The following CHCHD3 variants were observed in gnomAD, a reference collection of about 807,000 sequenced individuals.
The protein encoded by CHCHD3 is coiled-coil-helix-coiled-coil-helix domain containing 3.
CHCHD3 carries 20 observed loss-of-function variants against 38.2 expected under a neutral mutation model. The ratio of observed to expected loss-of-function variants is 0.52; its 90% CI spans 0.37 to 0.76. CHCHD3 has a LOEUF of 0.76. CHCHD3 is among the 30% of genes least tolerant of loss of function. CHCHD3 has a pLI of 0.00. For missense variants in CHCHD3, 245 were observed against 279.2 expected, an observed-to-expected ratio of 0.88 and a Z score of 0.87; for synonymous variants, 82 against 100.0, an observed-to-expected ratio of 0.82 and a Z score of 1.07.
At chr7:132,811,463 C>T (rs1807067319) in intron 6 of CHCHD3, among the ~76,000 whole-genome samples, 1 of 152,228 alleles carries the variant, frequency 6.6e-6, no homozygotes, top group Admixed American at 6.5e-5. Flanking sequence ...TTTAAACAGT[C>T]ATAAGTGGCT....
chr7:132,874,264 G>A (rs920884881), intron 5 of CHCHD3, among the ~76,000 whole-genome samples: 1 of 152,134 alleles, frequency 6.6e-6, no homozygotes, highest in African/African-American at 2.4e-5. Context: ...AACGTTTTAC[G>A]AAGACAAATT....
intron 5 of CHCHD3, among the ~76,000 whole-genome samples, chr7:132,860,672 G>A (rs1342978517): frequency 6.6e-6 from 1 of 152,060 alleles, no homozygotes; most frequent in African/African-American, 2.4e-5. Flanking sequence ...TGTTGCCCAG[G>A]CTGGTGGGCA....
At chr7:132,938,259 T>C (rs960961716) in intron 4 of CHCHD3, among the ~76,000 whole-genome samples, 3 of 152,180 alleles carry the variant, frequency 2.0e-5, no homozygotes, top group African/African-American at 7.2e-5. Flanking sequence ...CTATGAATCA[T>C]ACCCTATTTA....
intron 1 of CHCHD3, among the ~76,000 whole-genome samples, chr7:133,078,526 A>G (rs1815069021): frequency 6.6e-6 from 1 of 152,168 alleles, no homozygotes; most frequent in Non-Finnish European, 1.5e-5. Flanking sequence ...ATAATTGCCA[A>G]CATATTTATA....
At chr7:132,847,389 G>T (rs1448439263) in intron 5 of CHCHD3, 1 of 152,194 alleles carries the variant, frequency 6.6e-6, no homozygotes, top group South Asian at 2.1e-4. Context: ...AAACAAAGTG[G>T]TTGATTTTAG....
intron 5 of CHCHD3, among the ~76,000 whole-genome samples, chr7:132,884,195 G>T (rs74809829): frequency 6.6e-6 from 1 of 151,896 alleles, no homozygotes; most frequent in Non-Finnish European, 1.5e-5. Flanking sequence ...CCAAGTTCAC[G>T]CCTGCTTCAC....
intron 5 of CHCHD3, among the ~76,000 whole-genome samples, chr7:132,879,771 G>C (rs10954395): frequency 0.22 from 31,240 of 139,774 alleles, 3,611 homozygotes; most frequent in Middle Eastern, 0.28. Context: ...CCAGAAGATG[G>C]AAAGAGATGA....
At chr7:132,974,940 CAT>C (rs1158162682) in intron 4 of CHCHD3, among the ~76,000 whole-genome samples, 2 of 152,130 alleles carry the variant, frequency 1.3e-5, no homozygotes, top group Non-Finnish European at 2.9e-5. Context: ...AACATGTACA[CAT>C]GTCTGCATGT....
chr7:132,881,555 G>A (rs527417540), intron 5 of CHCHD3, among the ~76,000 whole-genome samples: 2 of 152,236 alleles, frequency 1.3e-5, no homozygotes, highest in Admixed American at 6.5e-5. Flanking sequence ...ACTCGTTGAT[G>A]CAACATCCCT....
At chr7:132,817,419 A>T (rs1266418591) in intron 6 of CHCHD3, among the ~76,000 whole-genome samples, 3 of 148,532 alleles carry the variant, frequency 2.0e-5, no homozygotes, top group East Asian at 1.9e-4. Flanking sequence ...CATTGAGATT[A>T]AAAAAAAAAT....
intron 3 of CHCHD3, among the ~76,000 whole-genome samples, chr7:133,012,905 G>T (rs1812921069): frequency 6.6e-6 from 1 of 151,620 alleles, no homozygotes; most frequent in South Asian, 2.1e-4. Flanking sequence ...AAAGGTCAGG[G>T]CTGGGAGTGG....
At chr7:132,843,092 C>CA (rs1807982693) in intron 5 of CHCHD3, among the ~76,000 whole-genome samples, 1 of 152,146 alleles carries the variant, frequency 6.6e-6, no homozygotes, top group Admixed American at 6.5e-5. Flanking sequence ...GGCTGGAGTC[C>CA]AGTGGCACAA....
At chr7:133,014,415 G>A (rs1812966778) in intron 3 of CHCHD3, among the ~76,000 whole-genome samples, 1 of 151,448 alleles carries the variant, frequency 6.6e-6, no homozygotes, top group South Asian at 2.1e-4. Context: ...ATTGTAAATA[G>A]CATATAACTA....
intron 5 of CHCHD3, among the ~76,000 whole-genome samples, chr7:132,853,375 T>A (rs927359107): frequency 1.3e-5 from 2 of 152,138 alleles, no homozygotes; most frequent in African/African-American, 2.4e-5. Context: ...ATCCCAGCAC[T>A]CTGGGAGGGC....
intron 3 of CHCHD3, among the ~76,000 whole-genome samples, chr7:132,988,822 A>C (rs1812195700): frequency 6.6e-6 from 1 of 152,112 alleles, no homozygotes. Context: ...GGGAGGCTAC[A>C]GCAGGAGAAT....
intron 6 of CHCHD3, among the ~76,000 whole-genome samples, chr7:132,834,213 T>C (rs191968625): frequency 1.3e-5 from 2 of 152,294 alleles, no homozygotes; most frequent in Admixed American, 6.5e-5. Flanking sequence ...TAAAAAGAAA[T>C]AGCAGTCTAC....
chr7:133,030,424 G>C (rs576382859), intron 2 of CHCHD3, among the ~76,000 whole-genome samples: 2 of 152,320 alleles, frequency 1.3e-5, no homozygotes, highest in South Asian at 4.1e-4. Context: ...AGTGTTTCAG[G>C]AAGGGCTAGT....
At chr7:132,977,955 T>G (rs1164946059) in intron 3 of CHCHD3, among the ~76,000 whole-genome samples, 1 of 152,176 alleles carries the variant, frequency 6.6e-6, no homozygotes, top group Non-Finnish European at 1.5e-5. Context: ...ATATTTAGCT[T>G]GCCATGACTG....
intron 6 of CHCHD3, among the ~76,000 whole-genome samples, chr7:132,836,558 C>T (rs771373770): frequency 3.6e-4 from 55 of 152,142 alleles, no homozygotes; most frequent in Non-Finnish European, 7.6e-4. Flanking sequence ...TAGCTCACTG[C>T]AGTCCTGGGT....
Sources: gnomAD v4.1 joint callset for allele counts (sites outside exome capture counted in the v4.1 genomes callset) on GRCh38, gnomAD v4.1.1 for gene constraint, MANE v1.5 for transcripts, NCBI Gene and HGNC (gene_info 2026-07-23, HGNC 2026-07-21) for gene names.